SNX29: variants seen among roughly 807,000 people sequenced by gnomAD.
SNX29 encodes the protein sorting nexin-29.
A neutral mutation model predicts 102.1 loss-of-function variants in SNX29; 78 were observed. The observed-to-expected ratio is 0.76, with a 90% CI of 0.64 to 0.92. The LOEUF (loss-of-function observed/expected upper bound fraction) is 0.92, where lower values mean the gene tolerates loss of function less well. SNX29 is among the 40% of genes least tolerant of loss of function. The pLI is 0.00. For missense variants in SNX29, 1,280 were observed against 1,061.7 expected, an observed-to-expected ratio of 1.21 and a Z score of -2.86; for synonymous variants, 580 against 414.5, an observed-to-expected ratio of 1.40 and a Z score of -4.85.
chr16:12,392,444 C>T (rs1430253281), intron 16 of SNX29, among the ~76,000 whole-genome samples: 2 of 152,184 alleles, frequency 1.3e-5, no homozygotes, highest in Non-Finnish European at 2.9e-5. Flanking sequence ...TTTCCCTGCT[C>T]CAGCCATTCA....
intron 18 of SNX29, among the ~76,000 whole-genome samples, chr16:12,476,424 A>ATATATATATATG (rs2087646874): frequency 1.1e-5 from 1 of 89,678 alleles, no homozygotes; most frequent in African/African-American, 4.0e-5. Context: ...ATATATATAT[A>ATATATATATATG]TATATATATA....
At chr16:12,116,862 C>G (rs1439525801) in intron 11 of SNX29, among the ~76,000 whole-genome samples, 2 of 152,158 alleles carry the variant, frequency 1.3e-5, no homozygotes, top group African/African-American at 4.8e-5. Flanking sequence ...ACCATGGAAA[C>G]AGGCTTAGTC....
At chr16:12,555,165 C>A (rs559073427) in intron 20 of SNX29, among the ~76,000 whole-genome samples, 1 of 151,808 alleles carries the variant, frequency 6.6e-6, no homozygotes, top group African/African-American at 2.4e-5. Flanking sequence ...CAGGGTCTGG[C>A]ATCAGTGGGG....
intron 14 of SNX29, among the ~76,000 whole-genome samples, chr16:12,227,309 C>T (rs2077641302): frequency 1.3e-5 from 2 of 152,184 alleles, no homozygotes; most frequent in South Asian, 4.1e-4. Context: ...CACTTCTTCT[C>T]TTGGACTCCT....
chr16:12,379,559 A>G (rs1258094732), intron 16 of SNX29, among the ~76,000 whole-genome samples: 1 of 152,210 alleles, frequency 6.6e-6, no homozygotes, highest in Non-Finnish European at 1.5e-5. Context: ...AGTTCCAAAA[A>G]CATCTTCTCA....
intron 15 of SNX29, among the ~76,000 whole-genome samples, chr16:12,302,384 T>TA (rs2080203459): frequency 6.6e-6 from 1 of 152,224 alleles, no homozygotes; most frequent in South Asian, 2.1e-4. Context: ...TCTACTGTCT[T>TA]AGTGTGTTCA....
chr16:12,525,774 A>G (rs552988244), intron 20 of SNX29, among the ~76,000 whole-genome samples: 53 of 146,956 alleles, frequency 3.6e-4, no homozygotes, highest in Non-Finnish European at 7.0e-4. Context: ...TGCTGTTTTC[A>G]AGAAAGCTAA....
At chr16:12,440,593 C>T (rs902430670) in intron 18 of SNX29, among the ~76,000 whole-genome samples, 1 of 152,172 alleles carries the variant, frequency 6.6e-6, no homozygotes, top group African/African-American at 2.4e-5. Context: ...CTCCCTCCTC[C>T]CACCCTCCAC....
chr16:12,070,433 T>C (rs996661680), intron 10 of SNX29, among the ~76,000 whole-genome samples: 7 of 150,288 alleles, frequency 4.7e-5, no homozygotes, highest in African/African-American at 1.7e-4. Context: ...TGGTGTTTGG[T>C]TTTTTGTCCT....
chr16:11,981,886 C>A (rs984207251), intron 1 of SNX29, among the ~76,000 whole-genome samples: 1 of 152,078 alleles, frequency 6.6e-6, no homozygotes, highest in Non-Finnish European at 1.5e-5. Flanking sequence ...ACCGTGGCTG[C>A]ATCTCAACGT....
In SNX29 at chr16:12,562,601, C is replaced by T. The variant is rs143135486; in HGVS notation, c.2319-5905C>T. On this transcript the variant is annotated intron_variant, in intron 20 of 20. Coordinates refer to ENST00000566228, the MANE Select transcript of SNX29 (RefSeq NM_032167.5). ...TTTACCCAGAGACGGGGACAAAGGT[C>T]GCTGGCTCTTGAGAGCTACAGGCTA... Among the ~76,000 whole-genome samples, 415 of 152,264 alleles carry T rather than the reference C, an allele frequency of 2.7e-3. 5 individuals carry two copies. The highest frequency in any genetic ancestry group is 9.6e-3 in the African/African-American group (400 of 41,562).
At chr16:11,978,775 A>G (rs2055356174) in intron 1 of SNX29, among the ~76,000 whole-genome samples, 1 of 152,150 alleles carries the variant, frequency 6.6e-6, no homozygotes, top group Non-Finnish European at 1.5e-5. Context: ...AGGAGAAATA[A>G]TATGAAAACT....
intron 18 of SNX29, among the ~76,000 whole-genome samples, chr16:12,435,543 G>A (rs2085497203): frequency 6.6e-6 from 1 of 152,186 alleles, no homozygotes; most frequent in Admixed American, 6.5e-5. Flanking sequence ...AATCCTTCTA[G>A]ACATCTCTTG....
intron 19 of SNX29, among the ~76,000 whole-genome samples, chr16:12,485,979 A>G (rs1167855556): frequency 6.6e-6 from 1 of 152,212 alleles, no homozygotes. Context: ...CCTGTGGCTT[A>G]CAACAACACA....
In SNX29 at chr16:12,040,520, G is replaced by A. The variant is rs186551703; in HGVS notation, c.248-2377G>A. On this transcript the variant is annotated intron_variant, in intron 4 of 20. Transcript: ENST00000566228. ...CAAACTTTCTTAGGTTTCCCATAAC[G>A]CCTTAAATCTGTTCCTATCCTCAGA... Among the ~76,000 whole-genome samples, 27 of 152,298 alleles carry A rather than the reference G, an allele frequency of 1.8e-4. No homozygotes were observed. In the East Asian group the frequency reaches 3.9e-3, roughly 22 times the overall value.
rs55953631 is a variant in SNX29 at position 12,390,149 on chromosome 16, G to GGGGTGTGTGTGT, written c.1900-8296_1900-8295insGGTGTGTGTGTG. On this transcript the variant is annotated intron_variant, in intron 16 of 20. Transcript: ENST00000566228. ...TGTTACCCCGTGCGTGCAATTGAGGGGTGTGTGTGTGTGTGTGTGTGTGTG... is the reference window on the plus strand; with the variant it reads ...TGTTACCCCGTGCGTGCAATTGAGGGGGGTGTGTGTGTGTGTGTGTGTGTGTGTGTGTGTGTG... Among the ~76,000 whole-genome samples the GGGGTGTGTGTGT allele has an allele frequency of 1.6e-4, 23 of 145,680 alleles. No homozygotes were observed. In the East Asian group the frequency reaches 1.7e-3, roughly 11 times the overall value.
chr16:12,503,542 G>A lies in SNX29; in HGVS notation c.2179-21160G>A, dbSNP rs1351250304. On this transcript the variant is annotated intron_variant, in intron 19 of 20. Transcript: ENST00000566228. Reference sequence around the variant, plus strand: ...AGTATCAACATTTCAGTGAGAAGCTGAGGAAAACTCCTAGACTAGCAAAGT... The same window carrying A: ...AGTATCAACATTTCAGTGAGAAGCTAAGGAAAACTCCTAGACTAGCAAAGT... Among the ~76,000 whole-genome samples, 3 of 152,162 alleles carry A rather than the reference G, an allele frequency of 2.0e-5. No homozygotes were observed. The East Asian group carries it at 5.8e-4, about 29-fold the overall frequency.
Position 12,568,303 on chromosome 16 carries a change from T to TAAAAAAAAAAAA in SNX29, c.2319-203_2319-202insAAAAAAAAAAAA, listed in dbSNP as rs10633753. Among the ~76,000 whole-genome samples, 134 of 80,696 alleles carry TAAAAAAAAAAAA rather than the reference T, an allele frequency of 1.7e-3. 2 individuals are homozygous for TAAAAAAAAAAAA. Among genetic ancestry groups the TAAAAAAAAAAAA allele is most frequent in the Middle Eastern group, 9.1e-3 (1 of 110 alleles). The allele number at this position is 80,696 out of a possible 152,430, so 52.9% of individuals were successfully genotyped here. On this transcript the variant is annotated intron_variant, in intron 20 of 20. Coordinates refer to ENST00000566228, the MANE Select transcript of SNX29 (RefSeq NM_032167.5). ...GCTTGGTTGGAGCCTCGGAGTGCTGTTAAAAAAAAAAAAATGGAAAGGTTT... is the reference window on the plus strand; with the variant it reads ...GCTTGGTTGGAGCCTCGGAGTGCTGTAAAAAAAAAAAATAAAAAAAAAAAAATGGAAAGGTTT...
intron 13 of SNX29, among the ~76,000 whole-genome samples, chr16:12,161,463 C>T (rs1340981791): frequency 6.6e-6 from 1 of 152,200 alleles, no homozygotes; most frequent in African/African-American, 2.4e-5. Flanking sequence ...CTTTAAGTGG[C>T]ATGGCATCAC....
Sources: gnomAD v4.1 joint callset for allele counts (sites outside exome capture counted in the v4.1 genomes callset) on GRCh38, gnomAD v4.1.1 for gene constraint, MANE v1.5 for transcripts, NCBI Gene and HGNC (gene_info 2026-07-23, HGNC 2026-07-21) for gene names.